CDH5: variants seen among roughly 807,000 people sequenced by gnomAD.
CDH5 encodes cadherin-5.
A neutral mutation model predicts 62.0 loss-of-function variants in CDH5; 28 were observed. That is an observed-to-expected ratio of 0.45 (90% CI 0.33 to 0.62). The LOEUF (loss-of-function observed/expected upper bound fraction) is 0.62. CDH5 is among the 20% of genes least tolerant of loss of function. CDH5 has a pLI of 0.02. For synonymous variants in CDH5, 464 were observed against 445.8 expected (o/e 1.04, Z -0.52); for missense variants, 940 against 1,065.1 (o/e 0.88, Z 1.63).
At chr16:66,382,063 A>G (rs1168507818) in intron 2 of CDH5, among the ~76,000 whole-genome samples, 1 of 152,220 alleles carries the variant, frequency 6.6e-6, no homozygotes, top group East Asian at 1.9e-4. Flanking sequence ...GGCACCAGAA[A>G]TGCCCCAGCA....
In CDH5 at chr16:66,403,589, C is replaced by T. The variant is rs1426751880; in HGVS notation, c.*420C>T. ...GTCCTGGTGCCTATCTGCCTGGAGG[C>T]AAAGGCCTGGACAGCTTGACTTGTG... On this transcript the variant is annotated 3_prime_UTR_variant, in exon 12 of 12. Coordinates refer to ENST00000341529, the MANE Select transcript of CDH5 (RefSeq NM_001795.5). The surrounding 1 kb of genome is among the most constrained non-coding windows in gnomAD (Gnocchi z 4.3). The T allele has an allele frequency of 4.5e-6, 1 of 222,888 alleles. No homozygotes were observed. The highest frequency in any genetic ancestry group is 2.3e-5 in the African/African-American group (1 of 43,422). 13.8% of individuals were successfully genotyped at this position (222,888 alleles called of 1,614,324 possible). A position where few individuals can be genotyped will look rare whatever the true frequency, so the allele number is the denominator to read the frequency against.
intron 10 of CDH5, 107 bp from the exon 11 acceptor site, chr16:66,400,664 C>CCAGGGAGCACGCAGGCTGGTGCAGT: frequency 7.4e-7 from 1 of 1,360,232 alleles, no homozygotes; most frequent in Non-Finnish European, 1.0e-6. Flanking sequence ...GAAAAGCAGC[C>CCAGGGAGCACGCAGGCTGGTGCAGT]CAGGGAGCAC....
chr16:66,377,930 G>T (rs762134376), intron 1 of CDH5, among the ~76,000 whole-genome samples: 2 of 152,190 alleles, frequency 1.3e-5, no homozygotes, highest in African/African-American at 2.4e-5. Flanking sequence ...TGTGCAACCT[G>T]TGCAACTGTA....
At chr16:66,383,624 A>G (rs1259738166) in intron 2 of CDH5, among the ~76,000 whole-genome samples, 3 of 151,606 alleles carry the variant, frequency 2.0e-5, no homozygotes, top group Non-Finnish European at 2.9e-5. Context: ...CAGGGCCCCA[A>G]ACTGTCCCCT....
intron 2 of CDH5, among the ~76,000 whole-genome samples, chr16:66,384,447 C>T (rs1960949401): frequency 6.6e-6 from 1 of 151,672 alleles, no homozygotes. Context: ...AAAGCCCTTG[C>T]TCTATTTGAC....
At position 66,387,012 on chromosome 16, in the gene CDH5, C is replaced by T. The variant is rs1333357112; in HGVS notation, c.414C>T (p.Thr138=). The T allele has an allele frequency of 3.1e-6, 5 of 1,614,128 alleles. No homozygotes were observed. Among genetic ancestry groups the T allele is most frequent in the Non-Finnish European group, 4.2e-6 (5 of 1,180,018 alleles). Residue 138 remains threonine (T), a synonymous_variant, in exon 3 of 12, where the codon ACC becomes ACT. Transcript: ENST00000341529. ...ACCTGGAGACTCCTTCCAGCTTCAC[C>T]ATCAAAGTTCATGACGTGAACGACA... The part of the protein sequence containing the change: ...GENLETPSSF[T]IKVHDVNDNW...
At chr16:66,388,294 G>A (rs572457878) in intron 3 of CDH5, 30 bp from the exon 4 acceptor site, 1 of 1,469,826 alleles carries the variant, frequency 6.8e-7, no homozygotes. Context: ...GCAGTCACAA[G>A]TCAGCAACCC....
Position 66,379,347 on chromosome 16 carries a change from C to T in CDH5, c.10C>T (p.Leu4Phe), listed in dbSNP as rs1482146489. 6.2e-7 allele frequency: 1 copy of T among 1,610,052 alleles called. No individual in the cohort carries two copies. The highest frequency in any genetic ancestry group is 8.5e-7 in the Non-Finnish European group (1 of 1,177,522). ...TGTTCCTCCTGGGAAGATGCAGAGG[C>T]TCATGATGCTCCTCGCCACATCGGG... MQR[L>F]MMLLATSGAC... The change falls in exon 2 of 12, where the codon CTC (leucine) becomes TTC (phenylalanine). Residue 4 changes from leucine (L) to phenylalanine (F), a missense_variant. Leu to Phe is a conservative substitution (Grantham distance 22). Transcript: ENST00000341529.
chr16:66,388,525 G>T, intron 4 of CDH5, 85 bp downstream of exon 4: 1 of 865,288 alleles, frequency 1.2e-6, no homozygotes, highest in Non-Finnish European at 1.9e-6. Flanking sequence ...GCTAAGGGAA[G>T]TCCAGTCTGA....
chr16:66,395,968 G>C (rs1961177108), intron 7 of CDH5, 91 bp from the exon 8 acceptor site: 10 of 1,336,702 alleles, frequency 7.5e-6, no homozygotes, highest in South Asian at 4.1e-5. Flanking sequence ...GGATGCAGGG[G>C]ACAGATGCAG....
At chr16:66,398,772 C>T (rs1013602441) in intron 10 of CDH5, among the ~76,000 whole-genome samples, 1 of 152,110 alleles carries the variant, frequency 6.6e-6, no homozygotes, top group African/African-American at 2.4e-5. Flanking sequence ...CTAACAGGGT[C>T]GGGGTGAGGT....
chr16:66,390,702 C>T (rs1413528776), intron 6 of CDH5, 112 bp downstream of exon 6: 2 of 985,570 alleles, frequency 2.0e-6, no homozygotes, highest in Middle Eastern at 3.2e-4. Flanking sequence ...ACCATCAAAG[C>T]TCCAAGGTGG....
chr16:66,399,511 T>A (rs749723968), intron 10 of CDH5, among the ~76,000 whole-genome samples: 2 of 152,182 alleles, frequency 1.3e-5, no homozygotes, highest in Non-Finnish European at 2.9e-5. Flanking sequence ...GGAGGCAGAC[T>A]TGAGGGATCA....
intron 1 of CDH5, chr16:66,379,093 AT>A: frequency 1.9e-6 from 1 of 535,140 alleles, no homozygotes; most frequent in Non-Finnish European, 3.3e-6. Context: ...GTGTAGGGAA[AT>A]TTATCTTAAA....
intron 6 of CDH5, 120 bp from the exon 7 acceptor site, chr16:66,392,013 TGGG>T: frequency 8.4e-7 from 1 of 1,191,292 alleles, no homozygotes. Flanking sequence ...GTCGAGGCCA[TGGG>T]CCCCTCATCT....
chr16:66,398,470 C>T lies in CDH5; in HGVS notation c.1500C>T (p.Ile500=). The change falls in exon 10 of 12, where the codon ATC becomes ATT. Residue 500 remains isoleucine (I), a synonymous_variant. Coordinates refer to ENST00000341529, the MANE Select transcript of CDH5 (RefSeq NM_001795.5). Reference sequence around the variant, plus strand: ...CCACACTCCAGCTGGTCCTGCAGATCTCCGCAATAGACAAGGACATAACAC... The same window carrying T: ...CCACACTCCAGCTGGTCCTGCAGATTTCCGCAATAGACAAGGACATAACAC... ...NAVHGQLVLQ[I]SAIDKDITPR... The T allele has an allele frequency of 1.2e-6, 2 of 1,605,244 alleles. No individual in the cohort carries two copies. The highest frequency in any genetic ancestry group is 1.7e-6 in the Non-Finnish European group (2 of 1,171,850).
chr16:66,401,774 G>A (rs571720004), intron 11 of CDH5, among the ~76,000 whole-genome samples: 4 of 152,160 alleles, frequency 2.6e-5, no homozygotes, highest in South Asian at 2.1e-4. Context: ...TCATCCCACC[G>A]GGGGAGCACA....
chr16:66,403,660 T>C lies in CDH5; in HGVS notation c.*491T>C, dbSNP rs139974652. ...CATTCCCAAGGGAGACTGACCATCA[T>C]GCCCTCTCTCGGGAGCCCTAGCCCT... On this transcript the variant is annotated 3_prime_UTR_variant, in exon 12 of 12. Coordinates refer to ENST00000341529, the MANE Select transcript of CDH5 (RefSeq NM_001795.5). The surrounding 1 kb of genome is among the most constrained non-coding windows in gnomAD (Gnocchi z 4.3). The C allele has an allele frequency of 1.4e-3, 230 of 167,474 alleles. No individual in the cohort carries two copies. The highest frequency in any genetic ancestry group is 5.2e-3 in the African/African-American group (219 of 41,762). The allele number at this position is 167,474 out of a possible 1,614,324, so 10.4% of individuals were successfully genotyped here. A position where few individuals can be genotyped will look rare whatever the true frequency, so the allele number is the denominator to read the frequency against.
Position 66,401,597 on chromosome 16 carries a change from AGTGGTTTATTTGGGAG to A in CDH5, c.1837+593_1837+608del, listed in dbSNP as rs1961282777. On this transcript the variant is annotated intron_variant, in intron 11 of 11. Coordinates refer to ENST00000341529, the MANE Select transcript of CDH5 (RefSeq NM_001795.5). ...GCCCTGGGATGAGGATTGGGGTGGAAGTGGTTTATTTGGGAGGTGGTTTATTTCCCTGGATACCTCC... is the reference window on the plus strand; with the variant it reads ...GCCCTGGGATGAGGATTGGGGTGGAAGTGGTTTATTTCCCTGGATACCTCC... Among the ~76,000 whole-genome samples, 4 of 152,150 alleles carry A rather than the reference AGTGGTTTATTTGGGAG, an allele frequency of 2.6e-5. No homozygotes were observed. In the South Asian group the frequency reaches 8.3e-4, roughly 32 times the overall value.
Sources: gnomAD v4.1 joint callset for allele counts (sites outside exome capture counted in the v4.1 genomes callset) on GRCh38, gnomAD v4.1.1 for gene constraint, Gnocchi (gnomAD v3.1) non-coding constraint, MANE v1.5 for transcripts, NCBI Gene and HGNC (gene_info 2026-07-23, HGNC 2026-07-21) for gene names.